The following ARHGAP6 variants were observed in gnomAD, a reference collection of about 807,000 sequenced individuals.
ARHGAP6 encodes rho GTPase-activating protein 6.
A neutral mutation model predicts 55.7 loss-of-function variants in ARHGAP6; 16 were observed. That is an observed-to-expected ratio of 0.29 (90% confidence interval 0.19 to 0.44). ARHGAP6 has a LOEUF of 0.44. Among genes scored for constraint, ARHGAP6 ranks in the 20% least tolerant of loss-of-function variants. The probability of loss-of-function intolerance (pLI) is 1.00; values close to 1 mark genes in which losing one functional copy is unlikely to be tolerated. For missense variants in ARHGAP6, 698 were observed against 808.9 expected (o/e 0.86, Z 1.66); for synonymous variants, 382 against 360.9 (o/e 1.06, Z -0.66).
rs750278557 is a variant in ARHGAP6 at position 11,175,246 on chromosome X, C to T, written c.1629+2854G>A. On this transcript the variant is annotated intron_variant, in intron 8 of 12. Transcript: ENST00000337414. ...TGTCTCCCTCAGTACTTCACTGCTC[C>T]GTAGCCTTTACTACAGTTCACAATG... Among the ~76,000 whole-genome samples, 11 of 112,032 alleles carry T rather than the reference C, an allele frequency of 9.8e-5. No homozygotes were observed. The South Asian group carries it at 4.1e-3, about 42-fold the overall frequency.
intron 1 of ARHGAP6, among the ~76,000 whole-genome samples, chrX:11,519,665 C>A (rs1440704811): frequency 9.2e-6 from 1 of 108,914 alleles, no homozygotes; most frequent in Non-Finnish European, 1.9e-5. Flanking sequence ...CAGAACAGAG[C>A]CCTCAGAAAT....
At chrX:11,660,378 T>C (rs2052682071) in intron 1 of ARHGAP6, among the ~76,000 whole-genome samples, 1 of 107,359 alleles carries the variant, frequency 9.3e-6, no homozygotes, top group African/African-American at 3.4e-5. Context: ...CTGGCCAACA[T>C]AGTGAAACCC....
intron 1 of ARHGAP6, among the ~76,000 whole-genome samples, chrX:11,381,695 G>A (rs1205301996): frequency 8.9e-6 from 1 of 112,116 alleles, no homozygotes; most frequent in African/African-American, 3.2e-5. Flanking sequence ...ATATTTGTCA[G>A]ACGTGCGTTA....
At chrX:11,252,276 A>G (rs954155690) in intron 2 of ARHGAP6, among the ~76,000 whole-genome samples, 2 of 112,763 alleles carry the variant, frequency 1.8e-5, no homozygotes, top group Non-Finnish European at 3.7e-5. Context: ...AGTTTCAAAA[A>G]CTTTTCAAAG....
intron 1 of ARHGAP6, among the ~76,000 whole-genome samples, chrX:11,498,439 A>T (rs780423184): frequency 8.9e-6 from 1 of 112,145 alleles, no homozygotes; most frequent in Admixed American, 9.5e-5. Flanking sequence ...ATGACTAAAG[A>T]AGGAGGAGTA....
intron 1 of ARHGAP6, among the ~76,000 whole-genome samples, chrX:11,453,914 GC>G (rs1324099857): frequency 1.8e-5 from 2 of 110,605 alleles, no homozygotes; most frequent in Non-Finnish European, 3.8e-5. Flanking sequence ...TCTTTCCTTG[GC>G]TTTGTCTCAT....
At chrX:11,406,807 A>G (rs2049614878) in intron 1 of ARHGAP6, among the ~76,000 whole-genome samples, 1 of 111,697 alleles carries the variant, frequency 9.0e-6, no homozygotes, top group South Asian at 3.8e-4. Context: ...ACAAACTGCA[A>G]GTAAACTGAG....
intron 1 of ARHGAP6, among the ~76,000 whole-genome samples, chrX:11,610,129 TAAA>T (rs59200351): frequency 1.5e-4 from 13 of 88,733 alleles, no homozygotes; most frequent in Admixed American, 1.2e-4. Flanking sequence ...CTTCCTCCAG[TAAA>T]AAAAAAAAAA....
chrX:11,305,976 C>A (rs1484695219), intron 1 of ARHGAP6, among the ~76,000 whole-genome samples: 1 of 111,810 alleles, frequency 8.9e-6, no homozygotes, highest in Non-Finnish European at 1.9e-5. Context: ...CCTATCTGTC[C>A]AAATAACCAA....
intron 1 of ARHGAP6, among the ~76,000 whole-genome samples, chrX:11,275,778 C>G (rs1228301074): frequency 9.0e-6 from 1 of 111,417 alleles, no homozygotes; most frequent in Non-Finnish European, 1.9e-5. Context: ...ATGGAAGAGC[C>G]CAGAGGACTT....
intron 1 of ARHGAP6, among the ~76,000 whole-genome samples, chrX:11,478,795 T>A (rs1291778025): frequency 1.8e-5 from 2 of 111,945 alleles, no homozygotes; most frequent in Non-Finnish European, 3.8e-5. Context: ...ATTTCAAAGA[T>A]GCTAACTATC....
chrX:11,517,591 T>A (rs73486558), intron 1 of ARHGAP6, among the ~76,000 whole-genome samples: 10,572 of 111,181 alleles, frequency 0.095, 606 homozygotes, highest in African/African-American at 0.2. Context: ...TAATCCTATG[T>A]GTTTGGTTTA....
intron 1 of ARHGAP6, among the ~76,000 whole-genome samples, chrX:11,652,711 G>C (rs1185081254): frequency 9.0e-6 from 1 of 111,544 alleles, no homozygotes; most frequent in Non-Finnish European, 1.9e-5. Flanking sequence ...GACTGGTTGT[G>C]AACACAGTTC....
intron 1 of ARHGAP6, among the ~76,000 whole-genome samples, chrX:11,325,251 A>G (rs2048484434): frequency 8.9e-6 from 1 of 112,306 alleles, no homozygotes. Context: ...ATGATAATAA[A>G]TCTAGAGATC....
intron 1 of ARHGAP6, among the ~76,000 whole-genome samples, chrX:11,515,400 G>A (rs2050828305): frequency 8.9e-6 from 1 of 112,055 alleles, no homozygotes; most frequent in South Asian, 3.7e-4. Context: ...CAATCACAGT[G>A]TCATGTTAGG....
At position 11,290,451 on chromosome X, in the gene ARHGAP6, C is replaced by G. The variant is rs756075253; in HGVS notation, c.589-35744G>C. 3 of 364,406 alleles carry G rather than the reference C, an allele frequency of 8.2e-6. No individual in the cohort carries two copies. The East Asian group carries it at 2.4e-4, about 29-fold the overall frequency. 30.0% of individuals were successfully genotyped at this position (364,406 alleles called of 1,213,427 possible). A position where few individuals can be genotyped will look rare whatever the true frequency, so the allele number is the denominator to read the frequency against. ...TCGGAATTCATCGGTGGTTTTGTGC[C>G]TAAGATCTGAAGATCATACAACTCC... On this transcript the variant is annotated intron_variant, in intron 1 of 12. Coordinates refer to ENST00000337414, the MANE Select transcript of ARHGAP6 (RefSeq NM_013427.3).
At chrX:11,418,854 T>A (rs1199288512) in intron 1 of ARHGAP6, among the ~76,000 whole-genome samples, 1 of 111,861 alleles carries the variant, frequency 8.9e-6, no homozygotes, top group African/African-American at 3.2e-5. Flanking sequence ...CTTAGGAATT[T>A]AAGGTCTTTC....
intron 1 of ARHGAP6, among the ~76,000 whole-genome samples, chrX:11,623,073 C>T (rs770708379): frequency 3.6e-5 from 4 of 110,439 alleles, no homozygotes; most frequent in Non-Finnish European, 5.7e-5. Context: ...AGCAATAAGA[C>T]GAGGAAAATA....
At chrX:11,607,786 C>A (rs2052052999) in intron 1 of ARHGAP6, among the ~76,000 whole-genome samples, 1 of 112,078 alleles carries the variant, frequency 8.9e-6, no homozygotes, top group Non-Finnish European at 1.9e-5. Flanking sequence ...TTGATTGTAG[C>A]CAAAAAGCTG....
Sources: gnomAD v4.1 joint callset for allele counts (sites outside exome capture counted in the v4.1 genomes callset) on GRCh38, gnomAD v4.1.1 for gene constraint, MANE v1.5 for transcripts, NCBI Gene and HGNC (gene_info 2026-07-23, HGNC 2026-07-21) for gene names.